The following TRPC7 variants were observed in gnomAD, a reference collection of about 807,000 sequenced individuals.
TRPC7 encodes the protein short transient receptor potential channel 7.
A neutral mutation model predicts 90.1 loss-of-function variants in TRPC7; 42 were observed. That is an observed-to-expected ratio of 0.47 (90% CI 0.36 to 0.60). The LOEUF is 0.60. Ranked by LOEUF, TRPC7 falls within the 20% of genes least tolerant of loss-of-function variation. TRPC7 has a pLI of 0.00. For synonymous variants in TRPC7, 451 were observed against 436.3 expected, an observed-to-expected ratio of 1.03 and a Z score of -0.42; for missense variants, 955 against 1,112.3, an observed-to-expected ratio of 0.86 and a Z score of 2.01.
chr5:136,292,251 A>G (rs1757984449), intron 3 of TRPC7, among the ~76,000 whole-genome samples: 1 of 152,206 alleles, frequency 6.6e-6, no homozygotes, highest in South Asian at 2.1e-4. Context: ...GCAAGAGCAA[A>G]CACATTCAAA....
intron 7 of TRPC7, among the ~76,000 whole-genome samples, chr5:136,235,401 T>A (rs190937385): frequency 5.8e-4 from 88 of 152,300 alleles, no homozygotes; most frequent in African/African-American, 1.9e-3. Context: ...CTCACTACCC[T>A]GAGTGGGAAA....
chr5:136,323,611 C>A (rs938405104), intron 2 of TRPC7, among the ~76,000 whole-genome samples: 9 of 152,146 alleles, frequency 5.9e-5, no homozygotes, highest in Non-Finnish European at 1.2e-4. Context: ...TTCATGTAGT[C>A]TTTTTTGCAC....
In TRPC7 at chr5:136,216,384, C is replaced by T. The variant is rs914893770; in HGVS notation, c.2344-109G>A. On this transcript the variant is annotated intron_variant, in intron 10 of 11. Coordinates refer to ENST00000513104, the MANE Select transcript of TRPC7 (RefSeq NM_020389.3). ...CCTTGAAGAGCCTCAGCAACCATGG[C>T]GACCCTCCCATGCCTGGCGCCTCAC... 18 of 839,644 alleles carry T rather than the reference C, an allele frequency of 2.1e-5. No homozygotes were observed. The Admixed American group carries it at 2.9e-4, about 14-fold the overall frequency. The allele number at this position is 839,644 out of a possible 1,614,324, so 52.0% of individuals were successfully genotyped here. A position where few individuals can be genotyped will look rare whatever the true frequency, so the allele number is the denominator to read the frequency against.
chr5:136,327,695 C>A (rs764325515), intron 2 of TRPC7, among the ~76,000 whole-genome samples: 2 of 152,124 alleles, frequency 1.3e-5, no homozygotes, highest in African/African-American at 4.8e-5. Flanking sequence ...GGGATTAAAA[C>A]GTGTAATTAC....
intron 2 of TRPC7, among the ~76,000 whole-genome samples, chr5:136,337,148 CT>C (rs1759691542): frequency 6.6e-6 from 1 of 152,154 alleles, no homozygotes; most frequent in South Asian, 2.1e-4. Flanking sequence ...ATTTGGTTCC[CT>C]TACGTAACCT....
At chr5:136,221,728 G>A (rs1340343659) in intron 10 of TRPC7, among the ~76,000 whole-genome samples, 1 of 152,180 alleles carries the variant, frequency 6.6e-6, no homozygotes, top group Non-Finnish European at 1.5e-5. Context: ...AGAAGAAATA[G>A]GCACTGGCAA....
chr5:136,216,583 A>AATACTGGATCCAC (rs1160300739), intron 10 of TRPC7, among the ~76,000 whole-genome samples: 4 of 78,852 alleles, frequency 5.1e-5, no homozygotes, highest in Non-Finnish European at 1.0e-4. Flanking sequence ...CAGTGGCACA[A>AATACTGGATCCAC]ATCTCTGCTC....
At chr5:136,346,673 CTTAG>C (rs1258804434) in intron 2 of TRPC7, among the ~76,000 whole-genome samples, 7 of 152,152 alleles carry the variant, frequency 4.6e-5, no homozygotes, top group East Asian at 3.9e-4. Context: ...GGACTGACCT[CTTAG>C]TTAGGATTAT....
rs114192745 is a variant in TRPC7 at position 136,260,714 on chromosome 5, C to T, written c.1345+5506G>A. On this transcript the variant is annotated intron_variant, in intron 5 of 11. Transcript: ENST00000513104. ...TGCAAACAATGAGAAGACTCAATTACGTTTTAAATGGATCACTCTAGCTCC... is the reference window on the plus strand; with the variant it reads ...TGCAAACAATGAGAAGACTCAATTATGTTTTAAATGGATCACTCTAGCTCC... Among the ~76,000 whole-genome samples the T allele has an allele frequency of 2.9e-3, 435 of 152,192 alleles. 7 individuals carry two copies. The highest frequency in any genetic ancestry group is 1.0e-2 in the African/African-American group (415 of 41,532).
At chr5:136,296,934 C>A (rs952637001) in intron 3 of TRPC7, among the ~76,000 whole-genome samples, 2 of 152,316 alleles carry the variant, frequency 1.3e-5, no homozygotes, top group Admixed American at 1.3e-4. Flanking sequence ...CCTGCCCCTG[C>A]CTGGGGTTCC....
chr5:136,255,635 C>T (rs1264033638), intron 5 of TRPC7, among the ~76,000 whole-genome samples: 1 of 152,204 alleles, frequency 6.6e-6, no homozygotes, highest in Non-Finnish European at 1.5e-5. Context: ...TGAAACTGAA[C>T]TTGCAATATC....
chr5:136,306,454 GC>G (rs1049562044), intron 3 of TRPC7, among the ~76,000 whole-genome samples: 2 of 152,006 alleles, frequency 1.3e-5, no homozygotes, highest in African/African-American at 4.8e-5. Flanking sequence ...GCTTGAAGCA[GC>G]CCTGAGAAAC....
chr5:136,266,540 T>C, intron 4 of TRPC7, 104 bp from the exon 5 acceptor site: 1 of 1,044,292 alleles, frequency 9.6e-7, no homozygotes, highest in South Asian at 1.6e-5. Flanking sequence ...GAATCCTTCA[T>C]CTTGGACAGA....
At chr5:136,275,082 G>A (rs1757321305) in intron 3 of TRPC7, among the ~76,000 whole-genome samples, 1 of 152,046 alleles carries the variant, frequency 6.6e-6, no homozygotes, top group Admixed American at 6.6e-5. Context: ...TTGCAAACTG[G>A]GCCTAGAAAA....
intron 10 of TRPC7, among the ~76,000 whole-genome samples, chr5:136,219,053 A>AAACTGGCTCCC (rs1485842280): frequency 6.6e-6 from 1 of 152,224 alleles, no homozygotes; most frequent in Non-Finnish European, 1.5e-5. Context: ...GAGATGTGGG[A>AAACTGGCTCCC]AACTGGCTCC....
intron 5 of TRPC7, among the ~76,000 whole-genome samples, chr5:136,261,025 T>G (rs1300796904): frequency 6.6e-6 from 1 of 152,202 alleles, no homozygotes; most frequent in Non-Finnish European, 1.5e-5. Flanking sequence ...GAGGCCTTCT[T>G]GGAGGTGCCT....
chr5:136,253,970 T>C (rs1161221241), intron 5 of TRPC7, among the ~76,000 whole-genome samples: 1 of 152,200 alleles, frequency 6.6e-6, no homozygotes, highest in Non-Finnish European at 1.5e-5. Context: ...TCATGAGTGA[T>C]TGATTAAACC....
chr5:136,258,572 A>G (rs758599666), intron 5 of TRPC7, among the ~76,000 whole-genome samples: 7 of 152,146 alleles, frequency 4.6e-5, no homozygotes, highest in Non-Finnish European at 1.0e-4. Flanking sequence ...ATAATTAAGG[A>G]GGGGTGCCTG....
intron 7 of TRPC7, among the ~76,000 whole-genome samples, chr5:136,240,715 A>G (rs1358093566): frequency 6.6e-6 from 1 of 152,184 alleles, no homozygotes; most frequent in Admixed American, 6.5e-5. Context: ...GCTTGGACTC[A>G]TGCGGATTTG....
Sources: gnomAD v4.1 joint callset for allele counts (sites outside exome capture counted in the v4.1 genomes callset) on GRCh38, gnomAD v4.1.1 for gene constraint, MANE v1.5 for transcripts, NCBI Gene and HGNC (gene_info 2026-07-23, HGNC 2026-07-21) for gene names.